ZDHHC11B: variants seen among roughly 807,000 people sequenced by gnomAD.
ZDHHC11B encodes the protein zDHHC palmitoyltransferase 11B (putative).
Under a neutral mutation model 42.3 loss-of-function variants are expected in ZDHHC11B, and 17 were observed. That is an observed-to-expected ratio of 0.40 (90% confidence interval 0.27 to 0.60). The LOEUF (loss-of-function observed/expected upper bound fraction) is 0.60. Among genes scored for constraint, ZDHHC11B ranks in the 20% least tolerant of loss-of-function variants. ZDHHC11B has a pLI of 0.41. For synonymous variants in ZDHHC11B, 123 were observed against 193.5 expected (o/e 0.64, Z 3.02); for missense variants, 262 against 463.2 (o/e 0.57, Z 3.99).
At chr5:724,427 G>C (rs1742417123) in intron 12 of ZDHHC11B, among the ~76,000 whole-genome samples, 1 of 133,628 alleles carries the variant, frequency 7.5e-6, no homozygotes, top group African/African-American at 2.8e-5. Context: ...CCAGGCTGGA[G>C]TGCAGTGGCA....
rs537815617 is a variant in ZDHHC11B, at chr5:757,169, C to G, written c.223-1025G>C. ...GCCCTCCCGTCACCCTGCCTGGCTC[C>G]TGGACCGCCTTCTAGCCATGAGTTC... On this transcript the variant is annotated intron_variant, in intron 4 of 13. Coordinates refer to ENST00000508859, the MANE Select transcript of ZDHHC11B (RefSeq NM_001351303.2). 5.3e-5 allele frequency among the ~76,000 whole-genome samples: 8 copies of G among 152,034 alleles called. No homozygotes were observed. The South Asian group carries it at 1.5e-3, about 28-fold the overall frequency.
chr5:775,629 G>T (rs544436268), intron 1 of ZDHHC11B, among the ~76,000 whole-genome samples: 2 of 151,454 alleles, frequency 1.3e-5, no homozygotes, highest in East Asian at 3.9e-4. Flanking sequence ...CCCTGTTCAG[G>T]GATGACAATG....
intron 7 of ZDHHC11B, among the ~76,000 whole-genome samples, chr5:750,886 C>T (rs1402669368): frequency 4.8e-5 from 6 of 124,738 alleles, no homozygotes; most frequent in African/African-American, 1.3e-4. Flanking sequence ...TCGCCTGACA[C>T]GACCTGGCAG....
chr5:741,149 G>T (rs2127039369), intron 10 of ZDHHC11B, among the ~76,000 whole-genome samples: 1 of 126,868 alleles, frequency 7.9e-6, no homozygotes, highest in South Asian at 3.4e-4. Flanking sequence ...GCCCTGTTGG[G>T]TGGGGCTCCG....
intron 12 of ZDHHC11B, among the ~76,000 whole-genome samples, chr5:723,004 A>C (rs533635962): frequency 6.6e-6 from 1 of 151,802 alleles, no homozygotes; most frequent in Admixed American, 6.6e-5. Context: ...ATATCTATAT[A>C]GATATCTAAG....
intron 4 of ZDHHC11B, among the ~76,000 whole-genome samples, chr5:764,957 T>G: frequency 3.9e-4 from 2 of 5,144 alleles, no homozygotes; most frequent in South Asian, 0.021. Context: ...GGTGGGGACT[T>G]GGAGAACCTT....
At chr5:760,621 G>C (rs1579400290) in intron 4 of ZDHHC11B, among the ~76,000 whole-genome samples, 3 of 151,884 alleles carry the variant, frequency 2.0e-5, no homozygotes. Flanking sequence ...AGAGACAGAT[G>C]GTGGCCAAAG....
chr5:730,452 G>C lies in ZDHHC11B; in HGVS notation c.1040C>G (p.Pro347Arg), dbSNP rs116264288. The change falls in exon 12 of 14, where the codon CCG (proline) becomes CGG (arginine). Residue 347 changes from proline to arginine, a missense_variant. Coordinates refer to ENST00000508859, the MANE Select transcript of ZDHHC11B (RefSeq NM_001351303.2). ...DSKAQEADDA[P>R]STSTLGLQQE... is the part of the protein sequence containing the mutation. ...AACTTACCCAAGTGTAGATGTACTC[G>C]GGGCATCATCTGCTTCCTGTGGGGG... 3 of 1,573,898 alleles carry C rather than the reference G, an allele frequency of 1.9e-6. No homozygotes were observed. The highest frequency in any genetic ancestry group is 2.6e-6 in the Non-Finnish European group (3 of 1,166,888).
At chr5:777,617 G>A (rs1369439350) in intron 1 of ZDHHC11B, among the ~76,000 whole-genome samples, 1 of 151,958 alleles carries the variant, frequency 6.6e-6, no homozygotes, top group Admixed American at 6.6e-5. Context: ...CTGCTGATTG[G>A]CCCATTGTAC....
chr5:727,388 T>G (rs1360779056), intron 12 of ZDHHC11B, among the ~76,000 whole-genome samples: 1 of 147,892 alleles, frequency 6.8e-6, no homozygotes, highest in Non-Finnish European at 1.5e-5. Flanking sequence ...CAAAATGAGG[T>G]GTATATTTAA....
At position 722,828 on chromosome 5, in the gene ZDHHC11B, C is replaced by T. The variant is rs1246495146; in HGVS notation, c.1059-5963G>A. ...AGAAGCAAACGCCAACAGACTACAGCGACAAGCAGTATGGACAGACCTTGG... is the reference window on the plus strand; with the variant it reads ...AGAAGCAAACGCCAACAGACTACAGTGACAAGCAGTATGGACAGACCTTGG... On this transcript the variant is annotated intron_variant, in intron 12 of 13. Coordinates refer to ENST00000508859, the MANE Select transcript of ZDHHC11B (RefSeq NM_001351303.2). Among the ~76,000 whole-genome samples, 23 of 151,370 alleles carry T rather than the reference C, an allele frequency of 1.5e-4. 1 individual carries two copies. In the South Asian group the frequency reaches 2.1e-3, roughly 14 times the overall value.
At chr5:714,120 G>GCA (rs1465626630) in intron 13 of ZDHHC11B, among the ~76,000 whole-genome samples, 1 of 133,400 alleles carries the variant, frequency 7.5e-6, no homozygotes, top group Non-Finnish European at 1.6e-5. Context: ...GCGCACGCGT[G>GCA]CACACACACA....
intron 1 of ZDHHC11B, among the ~76,000 whole-genome samples, chr5:776,425 G>A (rs1461458200): frequency 6.6e-6 from 1 of 151,842 alleles, no homozygotes; most frequent in Non-Finnish European, 1.5e-5. Flanking sequence ...CAGTAAATCC[G>A]AAGCACAGGA....
chr5:744,541 G>A (rs1744522953), intron 9 of ZDHHC11B, among the ~76,000 whole-genome samples: 4 of 148,754 alleles, frequency 2.7e-5, no homozygotes, highest in African/African-American at 9.9e-5. Context: ...AATAATTCAT[G>A]TCACTTAACC....
intron 4 of ZDHHC11B, among the ~76,000 whole-genome samples, chr5:758,257 G>A (rs1183478917): frequency 2.6e-5 from 4 of 151,966 alleles, no homozygotes; most frequent in Non-Finnish European, 4.4e-5. Context: ...TTCCTCTGCA[G>A]AGCTGGAGCA....
intron 9 of ZDHHC11B, 66 bp downstream of exon 9, chr5:745,117 C>A (rs901924224): frequency 1.0e-5 from 13 of 1,275,650 alleles, no homozygotes; most frequent in African/African-American, 1.0e-4. Flanking sequence ...TGAGAGGTCC[C>A]AACCACCGAG....
At chr5:736,726 C>A (rs9686319) in intron 10 of ZDHHC11B, among the ~76,000 whole-genome samples, 1 of 131,580 alleles carries the variant, frequency 7.6e-6, no homozygotes, top group African/African-American at 2.8e-5. Flanking sequence ...ATCTTTGGGT[C>A]GACAATGAAA....
In ZDHHC11B at chr5:766,905, G is replaced by A. The variant is rs574883006; in HGVS notation, c.15C>T (p.Ser5=). 35 of 1,612,140 alleles carry A rather than the reference G, an allele frequency of 2.2e-5. 1 individual carries two copies. Among genetic ancestry groups the A allele is most frequent in the Middle Eastern group, 3.3e-4 (2 of 6,060 alleles). ...CTGGGGTGACGGAACACTGGCTCCC[G>A]GAGCGGGTGTCCATCTGCAGGACAC... is the stretch of plus-strand genomic sequence containing the variant. MDTR[S]GSQCSVTPEA... The change falls in exon 4 of 14, where the codon TCC becomes TCT. Residue 5 remains serine (S), a synonymous_variant. Coordinates refer to ENST00000508859, the MANE Select transcript of ZDHHC11B (RefSeq NM_001351303.2).
At chr5:733,306 C>G (rs1223004469) in intron 11 of ZDHHC11B, among the ~76,000 whole-genome samples, 2 of 151,760 alleles carry the variant, frequency 1.3e-5, no homozygotes, top group African/African-American at 4.9e-5. Flanking sequence ...CGTGTGACCA[C>G]ACACACATCG....
Sources: allele counts gnomAD v4.1 joint callset (sites outside exome capture counted in the v4.1 genomes callset), GRCh38; gene constraint gnomAD v4.1.1; transcripts MANE v1.5; gene names NCBI Gene and HGNC (gene_info 2026-07-23, HGNC 2026-07-21).